Variants in DCLK1 observed in about 807,000 individuals in gnomAD.
DCLK1 encodes the protein doublecortin like kinase 1, also known as serine/threonine-protein kinase DCLK1.
DCLK1 carries 16 observed loss-of-function variants against 86.2 expected under a neutral mutation model. The observed-to-expected ratio is 0.19, with a 90% confidence interval of 0.13 to 0.28. The LOEUF (loss-of-function observed/expected upper bound fraction) is 0.28. Among genes scored for constraint, DCLK1 ranks in the 10% least tolerant of loss-of-function variants. DCLK1 has a pLI of 1.00. For synonymous variants in DCLK1, 369 were observed against 370.5 expected, an observed-to-expected ratio of 1.00 and a Z score of 0.05; for missense variants, 590 against 940.2, an observed-to-expected ratio of 0.63 and a Z score of 4.87.
intron 3 of DCLK1, among the ~76,000 whole-genome samples, chr13:36,048,819 T>C (rs1378080736): frequency 1.3e-5 from 2 of 152,190 alleles, no homozygotes; most frequent in Admixed American, 6.5e-5. Context: ...TTCTTGAGCA[T>C]TGGTAAGCTG....
At chr13:35,774,829 T>G in intron 16 of DCLK1, 130 bp from the exon 17 acceptor site, 3 of 1,054,500 alleles carry the variant, frequency 2.8e-6, no homozygotes, top group Non-Finnish European at 4.0e-6. Context: ...TGGCACACTT[T>G]TTGTTGACAG....
chr13:35,854,492 T>G lies in DCLK1; in HGVS notation c.1035+7A>C. The G allele has an allele frequency of 1.3e-6, 2 of 1,593,384 alleles. No homozygotes were observed. The highest frequency in any genetic ancestry group is 1.7e-6 in the Non-Finnish European group (2 of 1,169,470). On this transcript the variant is annotated splice_region_variant and intron_variant, in intron 6 of 16. Transcript: ENST00000360631. ...GTCTGAAACAAGCAGCTTGCTTATT[T>G]CCTTACCCTCTGCTTCCGCAGGCTT...
intron 4 of DCLK1, among the ~76,000 whole-genome samples, chr13:35,902,415 C>T (rs1208193298): frequency 6.6e-6 from 1 of 152,198 alleles, no homozygotes; most frequent in Non-Finnish European, 1.5e-5. Context: ...CAGAGACCCA[C>T]CTCAAATCAA....
At chr13:35,786,253 G>T (rs1483974035) in intron 16 of DCLK1, among the ~76,000 whole-genome samples, 2 of 152,064 alleles carry the variant, frequency 1.3e-5, no homozygotes, top group Non-Finnish European at 2.9e-5. Flanking sequence ...TTTTCCAGAG[G>T]TTTTTGAAAT....
rs902129314 is a variant in DCLK1, at chr13:35,811,376, T to C, written c.1555-408A>G. 4.6e-5 allele frequency among the ~76,000 whole-genome samples: 7 copies of C among 152,182 alleles called. No individual in the cohort carries two copies. The South Asian group carries it at 1.2e-3, about 27-fold the overall frequency. Reference sequence around the variant, plus strand: ...AAAGTCTGAAAGAACACAGTGCCGATGTATCTGTCTCTTGGTGGTAGGATT... The same window carrying C: ...AAAGTCTGAAAGAACACAGTGCCGACGTATCTGTCTCTTGGTGGTAGGATT... On this transcript the variant is annotated intron_variant, in intron 11 of 16. Coordinates refer to ENST00000360631, the MANE Select transcript of DCLK1 (RefSeq NM_001330071.2).
At position 35,809,099 on chromosome 13, in the gene DCLK1, G is replaced by A; in HGVS notation, c.1689-4C>T. 6.2e-7 allele frequency: 1 copy of A among 1,609,696 alleles called. No homozygotes were observed. Among genetic ancestry groups the A allele is most frequent in the Non-Finnish European group, 8.5e-7 (1 of 1,177,096 alleles). On this transcript the variant is annotated splice_region_variant and splice_polypyrimidine_tract_variant and intron_variant, in intron 12 of 16. Transcript: ENST00000360631. ...GATGTCCACCTTGAGGCCGTATCTG[G>A]AAAAATAAGGGATGTTAGAGTTAGG...
At chr13:36,070,936 C>T (rs1001047032) in intron 3 of DCLK1, among the ~76,000 whole-genome samples, 8 of 152,086 alleles carry the variant, frequency 5.3e-5, no homozygotes, top group East Asian at 1.9e-4. Context: ...TGAGCCACCG[C>T]GCCCGGCCCC....
At chr13:36,130,250 T>C (rs1289059773) in intron 1 of DCLK1, among the ~76,000 whole-genome samples, 1 of 152,170 alleles carries the variant, frequency 6.6e-6, no homozygotes, top group Non-Finnish European at 1.5e-5. Flanking sequence ...TGAAAGGCAA[T>C]ATATTTAGGA....
At chr13:36,039,048 G>A (rs559646546) in intron 3 of DCLK1, among the ~76,000 whole-genome samples, 1 of 152,312 alleles carries the variant, frequency 6.6e-6, no homozygotes, top group South Asian at 2.1e-4. Context: ...GCCTACCAAT[G>A]AAGAATCCTA....
chr13:35,977,915 C>T (rs761034075), intron 3 of DCLK1, among the ~76,000 whole-genome samples: 1 of 152,092 alleles, frequency 6.6e-6, no homozygotes, highest in African/African-American at 2.4e-5. Context: ...GTTAATAGGA[C>T]TAACGTTCTC....
chr13:35,942,568 A>G (rs1877146236), intron 4 of DCLK1, among the ~76,000 whole-genome samples: 1 of 152,232 alleles, frequency 6.6e-6, no homozygotes, highest in Non-Finnish European at 1.5e-5. Flanking sequence ...CTCAGCAAAC[A>G]AACACAATCC....
chr13:35,808,929 C>T, intron 13 of DCLK1, 89 bp downstream of exon 13: 1 of 1,112,738 alleles, frequency 9.0e-7, no homozygotes, highest in Non-Finnish European at 1.3e-6. Flanking sequence ...TTTCCTGCTG[C>T]AGGCTCCTTT....
intron 3 of DCLK1, among the ~76,000 whole-genome samples, chr13:35,977,384 A>T (rs1262378838): frequency 6.6e-6 from 1 of 152,180 alleles, no homozygotes; most frequent in Non-Finnish European, 1.5e-5. Flanking sequence ...GCTCACCCCA[A>T]ATAAGTGGCC....
At chr13:35,806,997 C>G (rs1330254531) in intron 14 of DCLK1, among the ~76,000 whole-genome samples, 1 of 152,102 alleles carries the variant, frequency 6.6e-6, no homozygotes, top group Non-Finnish European at 1.5e-5. Flanking sequence ...CAGGACATGA[C>G]AAAAGCAAAG....
intron 4 of DCLK1, among the ~76,000 whole-genome samples, chr13:35,871,690 CTG>C (rs1489852130): frequency 6.6e-6 from 1 of 152,170 alleles, no homozygotes; most frequent in Admixed American, 6.5e-5. Context: ...TTGGGATAAA[CTG>C]TTGTTGCTTC....
intron 2 of DCLK1, among the ~76,000 whole-genome samples, chr13:36,112,609 T>C (rs1452925088): frequency 6.6e-6 from 1 of 152,184 alleles, no homozygotes; most frequent in Non-Finnish European, 1.5e-5. Flanking sequence ...CTACCTGAGA[T>C]AATTTAAACA....
Position 35,769,981 on chromosome 13 carries a change from AC to A in DCLK1, c.*4553del, listed in dbSNP as rs1296769173. ...AAATGATGCTCAGTGTTGAAACCCA[AC>A]AATAAACAAACAAACAAAAACCCCC... On this transcript the variant is annotated 3_prime_UTR_variant, in exon 17 of 17. Coordinates refer to ENST00000360631, the MANE Select transcript of DCLK1 (RefSeq NM_001330071.2). 6.6e-6 allele frequency: 1 copy of A among 152,232 alleles called. No homozygotes were observed. Among genetic ancestry groups the A allele is most frequent in the Non-Finnish European group, 1.5e-5 (1 of 68,052 alleles). The allele number at this position is 152,232 out of a possible 1,614,324, so 9.4% of individuals were successfully genotyped here. A position where few individuals can be genotyped will look rare whatever the true frequency, so the allele number is the denominator to read the frequency against.
intron 4 of DCLK1, among the ~76,000 whole-genome samples, chr13:35,920,273 C>T (rs1243569594): frequency 1.3e-5 from 2 of 152,292 alleles, no homozygotes; most frequent in Non-Finnish European, 2.9e-5. Flanking sequence ...TTCACGTGTC[C>T]TTGCCTTGAC....
chr13:35,867,909 A>G (rs200613985), intron 5 of DCLK1, among the ~76,000 whole-genome samples: 15 of 102,430 alleles, frequency 1.5e-4, no homozygotes, highest in Middle Eastern at 4.7e-3. Flanking sequence ...GAAAGAAAGA[A>G]AAAGAAAGAA....
Sources: gnomAD v4.1 joint callset for allele counts (sites outside exome capture counted in the v4.1 genomes callset) on GRCh38, gnomAD v4.1.1 for gene constraint, MANE v1.5 for transcripts, NCBI Gene and HGNC (gene_info 2026-07-23, HGNC 2026-07-21) for gene names.